Variants in ITFG1 observed in about 807,000 individuals in gnomAD.
The protein encoded by ITFG1 is integrin alpha FG-GAP repeat containing 1.
ITFG1 carries 34 observed loss-of-function variants against 81.8 expected under a neutral mutation model. The observed-to-expected ratio is 0.42, with a 90% CI of 0.32 to 0.55. ITFG1 has a LOEUF of 0.55. Among genes scored for constraint, ITFG1 ranks in the 20% least tolerant of loss-of-function variants. The pLI is 0.17. For synonymous variants in ITFG1, 285 were observed against 270.6 expected (o/e 1.05, Z -0.52); for missense variants, 672 against 755.4 (o/e 0.89, Z 1.29).
Position 47,396,153 on chromosome 16 carries a change from G to A in ITFG1, c.656-20213C>T, listed in dbSNP as rs947547823. 12 of 985,190 alleles carry A rather than the reference G, an allele frequency of 1.2e-5. No individual in the cohort carries two copies. The South Asian group carries it at 3.3e-4, about 27-fold the overall frequency. The allele number at this position is 985,190 out of a possible 1,614,324, so 61.0% of individuals were successfully genotyped here. A position where few individuals can be genotyped will look rare whatever the true frequency, so the allele number is the denominator to read the frequency against. ...TAGTGTGGTGGGTGGTCAGGAGAAGGAGAGATAAGTCTACATTTGCCTCTG... is the reference window on the plus strand; with the variant it reads ...TAGTGTGGTGGGTGGTCAGGAGAAGAAGAGATAAGTCTACATTTGCCTCTG... On this transcript the variant is annotated intron_variant, in intron 6 of 17. Transcript: ENST00000320640.
At chr16:47,437,650 C>A (rs540515574) in intron 5 of ITFG1, among the ~76,000 whole-genome samples, 8 of 152,312 alleles carry the variant, frequency 5.3e-5, no homozygotes, top group African/African-American at 1.9e-4. Flanking sequence ...AGCATACTCA[C>A]TGTCTCATTC....
intron 8 of ITFG1, among the ~76,000 whole-genome samples, chr16:47,345,724 G>A (rs1337028979): frequency 6.6e-6 from 1 of 152,176 alleles, no homozygotes. Context: ...GTAACATAAT[G>A]ATGAGTATTT....
At chr16:47,257,292 G>C (rs904882218) in intron 12 of ITFG1, among the ~76,000 whole-genome samples, 1 of 152,148 alleles carries the variant, frequency 6.6e-6, no homozygotes, top group African/African-American at 2.4e-5. Flanking sequence ...CAAGGTCACT[G>C]TATACAAGAT....
intron 8 of ITFG1, among the ~76,000 whole-genome samples, chr16:47,331,932 GCTAAATACATAATCTC>G (rs1192071876): frequency 6.6e-6 from 1 of 152,024 alleles, no homozygotes; most frequent in Non-Finnish European, 1.5e-5. Flanking sequence ...CTATGAAACA[GCTAAATACATAATCTC>G]CTCAAATACC....
chr16:47,258,012 A>C (rs1966159679), intron 12 of ITFG1, among the ~76,000 whole-genome samples: 1 of 152,228 alleles, frequency 6.6e-6, no homozygotes, highest in Non-Finnish European at 1.5e-5. Context: ...GGTGCTAGGC[A>C]AAAGTTTCAT....
intron 14 of ITFG1, among the ~76,000 whole-genome samples, chr16:47,217,101 G>C (rs1482804148): frequency 6.6e-6 from 1 of 151,566 alleles, no homozygotes; most frequent in Non-Finnish European, 1.5e-5. Flanking sequence ...AGGATTATCT[G>C]TATGAACAGA....
intron 13 of ITFG1, among the ~76,000 whole-genome samples, chr16:47,229,224 G>A (rs1237721568): frequency 6.6e-6 from 1 of 152,040 alleles, no homozygotes; most frequent in Non-Finnish European, 1.5e-5. Flanking sequence ...AACAGAAGGT[G>A]CATCCAACTC....
At chr16:47,389,942 A>G (rs1968509996) in intron 6 of ITFG1, among the ~76,000 whole-genome samples, 1 of 152,256 alleles carries the variant, frequency 6.6e-6, no homozygotes. Context: ...TAAGAACATT[A>G]ATAACTTGTC....
intron 10 of ITFG1, among the ~76,000 whole-genome samples, chr16:47,277,587 T>A (rs1220430476): frequency 2.6e-5 from 4 of 152,186 alleles, no homozygotes; most frequent in African/African-American, 9.7e-5. Flanking sequence ...ATATTTACAA[T>A]ATGGCAGTGA....
intron 8 of ITFG1, among the ~76,000 whole-genome samples, chr16:47,326,921 T>C (rs1410936265): frequency 6.6e-6 from 1 of 152,136 alleles, no homozygotes; most frequent in Admixed American, 6.5e-5. Flanking sequence ...ATAGATTCAA[T>C]GCCATCCCCA....
At chr16:47,447,757 A>C (rs1969341540) in intron 5 of ITFG1, among the ~76,000 whole-genome samples, 1 of 152,220 alleles carries the variant, frequency 6.6e-6, no homozygotes, top group African/African-American at 2.4e-5. Flanking sequence ...TCATCTGCTA[A>C]AAGTTTTTCA....
chr16:47,372,302 T>C (rs1968266694), intron 7 of ITFG1, among the ~76,000 whole-genome samples: 1 of 152,188 alleles, frequency 6.6e-6, no homozygotes, highest in South Asian at 2.1e-4. Flanking sequence ...TGGAGTGCAG[T>C]GGTGCAATCA....
At chr16:47,381,765 C>T (rs1344799790) in intron 6 of ITFG1, among the ~76,000 whole-genome samples, 4 of 152,200 alleles carry the variant, frequency 2.6e-5, no homozygotes, top group African/African-American at 9.6e-5. Context: ...GGCCATATGA[C>T]TTCTGAAATC....
chr16:47,183,800 G>A (rs559353899), intron 14 of ITFG1, among the ~76,000 whole-genome samples: 32 of 152,314 alleles, frequency 2.1e-4, no homozygotes, highest in African/African-American at 7.2e-4. Flanking sequence ...TGACTTTGAC[G>A]AGCTGAGAGA....
chr16:47,206,939 A>C (rs938733596), intron 14 of ITFG1, among the ~76,000 whole-genome samples: 1 of 152,146 alleles, frequency 6.6e-6, no homozygotes, highest in Non-Finnish European at 1.5e-5. Flanking sequence ...TTAAAGTAGC[A>C]CTCAAACCAC....
chr16:47,199,296 C>CCAAAACA (rs991829843), intron 14 of ITFG1, among the ~76,000 whole-genome samples: 2 of 152,050 alleles, frequency 1.3e-5, no homozygotes, highest in Non-Finnish European at 2.9e-5. Flanking sequence ...CAAACCAAAA[C>CCAAAACA]AAAAAAACCA....
chr16:47,352,138 A>C (rs1024400969), intron 8 of ITFG1, among the ~76,000 whole-genome samples: 2 of 152,224 alleles, frequency 1.3e-5, no homozygotes, highest in African/African-American at 2.4e-5. Flanking sequence ...CATTCGGGAC[A>C]TTGGCATGGG....
intron 7 of ITFG1, among the ~76,000 whole-genome samples, chr16:47,371,999 C>T (rs1180413402): frequency 6.6e-6 from 1 of 151,352 alleles, no homozygotes; most frequent in Non-Finnish European, 1.5e-5. Context: ...CTGCAAGCTC[C>T]ACCTCCCAGG....
At chr16:47,441,742 T>C (rs1379094079) in intron 5 of ITFG1, among the ~76,000 whole-genome samples, 1 of 152,068 alleles carries the variant, frequency 6.6e-6, no homozygotes, top group Non-Finnish European at 1.5e-5. Context: ...GGACAAAAAC[T>C]GGAAGCATTC....
Sources: allele counts gnomAD v4.1 joint callset (sites outside exome capture counted in the v4.1 genomes callset), GRCh38; gene constraint gnomAD v4.1.1; transcripts MANE v1.5; gene names NCBI Gene and HGNC (gene_info 2026-07-23, HGNC 2026-07-21).